Variants in GTF2F1 observed in about 807,000 individuals in gnomAD.
GTF2F1 encodes general transcription factor IIF subunit 1, also known as general transcription factor IIF 74 kDa subunit.
A neutral mutation model predicts 63.5 loss-of-function variants in GTF2F1; 39 were observed. That is an observed-to-expected ratio of 0.61 (90% CI 0.48 to 0.80). The LOEUF is 0.80. GTF2F1 is among the 30% of genes least tolerant of loss of function. The pLI, the probability that GTF2F1 is intolerant of heterozygous loss-of-function variation, is 0.00. For synonymous variants in GTF2F1, 287 were observed against 285.3 expected (o/e 1.01, Z -0.06); for missense variants, 657 against 718.3 (o/e 0.91, Z 0.97).
intron 4 of GTF2F1, 63 bp from the exon 5 acceptor site, chr19:6,387,622 C>CA: frequency 1.6e-6 from 2 of 1,216,320 alleles, no homozygotes; most frequent in Non-Finnish European, 2.4e-6. Flanking sequence ...CCGTGTCCCC[C>CA]CGGGGCCTGC....
rs768698786 is a variant in GTF2F1 at position 6,393,131 on chromosome 19, C to A, written c.-136G>T. 170 of 1,124,376 alleles carry A rather than the reference C, an allele frequency of 1.5e-4. 1 individual carries two copies. Among genetic ancestry groups the A allele is most frequent in the Non-Finnish European group, 1.9e-4 (147 of 766,174 alleles). The allele number at this position is 1,124,376 out of a possible 1,614,324, so 69.6% of individuals were successfully genotyped here. A position where few individuals can be genotyped will look rare whatever the true frequency, so the allele number is the denominator to read the frequency against. Reference sequence around the variant, plus strand: ...CCTGAGCGAGGACCCCAACCCTAGGCGCCTCTGGCGCTGGGAAAAGGTAAC... The same window carrying A: ...CCTGAGCGAGGACCCCAACCCTAGGAGCCTCTGGCGCTGGGAAAAGGTAAC... On this transcript the variant is annotated 5_prime_UTR_variant, in exon 1 of 13. Coordinates refer to ENST00000394456, the MANE Select transcript of GTF2F1 (RefSeq NM_002096.3).
At chr19:6,386,159 G>A (rs1169103819) in intron 5 of GTF2F1, among the ~76,000 whole-genome samples, 3 of 152,086 alleles carry the variant, frequency 2.0e-5, no homozygotes, top group Admixed American at 2.0e-4. Context: ...GCTGAGGGGG[G>A]CAGATCACCT....
chr19:6,380,154 A>AG lies in GTF2F1; in HGVS notation c.*126dup. 1 of 832,758 alleles carries AG rather than the reference A, an allele frequency of 1.2e-6. No individual in the cohort carries two copies. The highest frequency in any genetic ancestry group is 1.7e-5 in the African/African-American group (1 of 59,928). 51.6% of individuals were successfully genotyped at this position (832,758 alleles called of 1,614,324 possible). A position where few individuals can be genotyped will look rare whatever the true frequency, so the allele number is the denominator to read the frequency against. ...AGTCAGGGAGCAAGCAGGATGTCGA[A>AG]GGGTCACTGAGAGCCTGAAGTTCTG... On this transcript the variant is annotated 3_prime_UTR_variant, in exon 13 of 13. Coordinates refer to ENST00000394456, the MANE Select transcript of GTF2F1 (RefSeq NM_002096.3). The surrounding 1 kb of genome is among the most constrained non-coding windows in gnomAD (Gnocchi z 5.3).
chr19:6,393,145 G>C lies in GTF2F1; in HGVS notation c.-150C>G. ...CCAACCCTAGGCGCCTCTGGCGCTGGGAAAAGGTAACCGGAAGAGGCGCTC... is the reference window on the plus strand; with the variant it reads ...CCAACCCTAGGCGCCTCTGGCGCTGCGAAAAGGTAACCGGAAGAGGCGCTC... On this transcript the variant is annotated 5_prime_UTR_variant, in exon 1 of 13. Transcript: ENST00000394456. 1 of 984,104 alleles carries C rather than the reference G, an allele frequency of 1.0e-6. No individual in the cohort carries two copies. Among genetic ancestry groups the C allele is most frequent in the Non-Finnish European group, 1.5e-6 (1 of 651,592 alleles). The allele number at this position is 984,104 out of a possible 1,614,324, so 61.0% of individuals were successfully genotyped here.
intron 5 of GTF2F1, among the ~76,000 whole-genome samples, chr19:6,384,774 GTTC>G (rs1397199074): frequency 2.6e-5 from 4 of 151,776 alleles, no homozygotes; most frequent in Admixed American, 1.3e-4. Flanking sequence ...ATCACCATTT[GTTC>G]TTTTCTTTTC....
At chr19:6,392,128 T>C (rs1190458180) in intron 2 of GTF2F1, 154 bp from the exon 3 acceptor site, 18 of 677,290 alleles carry the variant, frequency 2.7e-5, no homozygotes, top group Non-Finnish European at 4.1e-5. Context: ...CTCAATTCAA[T>C]TGAACCATTA....
chr19:6,385,881 C>T (rs1022260687), intron 5 of GTF2F1, among the ~76,000 whole-genome samples: 2 of 151,608 alleles, frequency 1.3e-5, no homozygotes, highest in Non-Finnish European at 2.9e-5. Flanking sequence ...GTCAGGAGAT[C>T]GAGACCACGG....
chr19:6,381,904 G>C lies in GTF2F1; in HGVS notation c.683-54C>G. ...GGGAAAGTGAGGAGGAAGGCAGTGG[G>C]TATTTATTGTGTTTTTCACATTTTG... On this transcript the variant is annotated intron_variant, in intron 6 of 12. Coordinates refer to ENST00000394456, the MANE Select transcript of GTF2F1 (RefSeq NM_002096.3). The surrounding 1 kb of genome is among the most constrained non-coding windows in gnomAD (Gnocchi z 4.1). 1 of 1,435,244 alleles carries C rather than the reference G, an allele frequency of 7.0e-7. No individual in the cohort carries two copies. Among genetic ancestry groups the C allele is most frequent in the Non-Finnish European group, 9.7e-7 (1 of 1,034,680 alleles). The allele number at this position is 1,435,244 out of a possible 1,614,324, so 88.9% of individuals were successfully genotyped here.
intron 3 of GTF2F1, 95 bp from the exon 4 acceptor site, chr19:6,389,732 C>T: frequency 8.7e-7 from 1 of 1,152,080 alleles, no homozygotes; most frequent in South Asian, 1.4e-5. Flanking sequence ...AGGCCAAGCT[C>T]TAGATTCTCA....
intron 4 of GTF2F1, among the ~76,000 whole-genome samples, chr19:6,388,725 AT>A (rs1005845680): frequency 6.6e-6 from 1 of 152,170 alleles, no homozygotes; most frequent in Non-Finnish European, 1.5e-5. Flanking sequence ...AGGTAGGAGG[AT>A]CACTTGACCC....
intron 4 of GTF2F1, among the ~76,000 whole-genome samples, chr19:6,388,773 C>A (rs925084755): frequency 1.3e-5 from 2 of 152,178 alleles, no homozygotes; most frequent in African/African-American, 2.4e-5. Flanking sequence ...CGCAGCAAGA[C>A]CCCATCTCTA....
intron 3 of GTF2F1, among the ~76,000 whole-genome samples, chr19:6,390,977 C>T (rs78600547): frequency 0.057 from 8,627 of 152,292 alleles, 337 homozygotes; most frequent in Non-Finnish European, 0.088. Context: ...TCGTGACCTA[C>T]ATGGCTAATG....
At chr19:6,387,246 C>T in intron 5 of GTF2F1, 143 bp downstream of exon 5, 1 of 724,802 alleles carries the variant, frequency 1.4e-6, no homozygotes, top group Non-Finnish European at 2.3e-6. Flanking sequence ...TCCTCCTGAA[C>T]TGACAGCTCT....
chr19:6,386,001 G>A (rs1351051950), intron 5 of GTF2F1, among the ~76,000 whole-genome samples: 2 of 151,970 alleles, frequency 1.3e-5, no homozygotes, highest in Non-Finnish European at 2.9e-5. Context: ...GCATGAACCC[G>A]GGAGGCGGAG....
intron 5 of GTF2F1, among the ~76,000 whole-genome samples, chr19:6,384,663 C>T (rs1011400791): frequency 2.6e-5 from 4 of 152,254 alleles, no homozygotes; most frequent in Middle Eastern, 3.4e-3. Context: ...GGTGCAGTGG[C>T]TCAAGCCTGT....
chr19:6,387,801 CTG>C lies in GTF2F1; in HGVS notation c.327-244_327-243del, dbSNP rs1261335819. 2.0e-5 allele frequency among the ~76,000 whole-genome samples: 3 copies of C among 150,794 alleles called. 1 individual carries two copies. Among genetic ancestry groups the C allele is most frequent in the Admixed American group, 1.3e-4 (2 of 15,116 alleles). Reference sequence around the variant, plus strand: ...CACATCGGGATCATTTCTGGAAAGACTGTGTGAGATTATCTCAGGAGAGCCCA... The same window carrying C: ...CACATCGGGATCATTTCTGGAAAGACTGTGAGATTATCTCAGGAGAGCCCA... On this transcript the variant is annotated intron_variant, in intron 4 of 12. Transcript: ENST00000394456.
In GTF2F1 at chr19:6,392,838, G is replaced by A. The variant is rs762988366; in HGVS notation, c.59+19C>T. On this transcript the variant is annotated intron_variant, in intron 2 of 12. Coordinates refer to ENST00000394456, the MANE Select transcript of GTF2F1 (RefSeq NM_002096.3). ...TTTTGGGGGGTGGAGAGGAGTGGGA[G>A]ATGGGGCTGGGGACTTACTTAGGAA... The A allele has an allele frequency of 6.2e-7, 1 of 1,610,516 alleles. No individual in the cohort carries two copies. Among genetic ancestry groups the A allele is most frequent in the South Asian group, 1.1e-5 (1 of 91,010 alleles).
intron 3 of GTF2F1, 176 bp from the exon 4 acceptor site, chr19:6,389,813 G>A: frequency 1.8e-6 from 1 of 564,480 alleles, no homozygotes; most frequent in Non-Finnish European, 3.1e-6. Context: ...AAGGGAATTT[G>A]GGCGAGCCTT....
At chr19:6,387,651 C>T in intron 4 of GTF2F1, 92 bp from the exon 5 acceptor site, 1 of 1,048,484 alleles carries the variant, frequency 9.5e-7, no homozygotes, top group Non-Finnish European at 1.4e-6. Context: ...TGGCACTTGC[C>T]ATAGGAGGAA....
Sources: allele counts gnomAD v4.1 joint callset (sites outside exome capture counted in the v4.1 genomes callset), GRCh38; gene constraint gnomAD v4.1.1; non-coding constraint Gnocchi (gnomAD v3.1); transcripts MANE v1.5; gene names NCBI Gene and HGNC (gene_info 2026-07-23, HGNC 2026-07-21).